The following SMC4 variants were observed in gnomAD, a reference collection of about 807,000 sequenced individuals.
SMC4 encodes structural maintenance of chromosomes protein 4.
A neutral mutation model predicts 145.6 loss-of-function variants in SMC4; 87 were observed. The ratio of observed to expected loss-of-function variants is 0.60; its 90% CI spans 0.50 to 0.71. The LOEUF (loss-of-function observed/expected upper bound fraction) is 0.71. Among genes scored for constraint, SMC4 ranks in the 30% least tolerant of loss-of-function variants. The pLI is 0.00. For synonymous variants in SMC4, 558 were observed against 500.7 expected (o/e 1.11, Z -1.53); for missense variants, 1,447 against 1,537.1 (o/e 0.94, Z 0.98).
intron 5 of SMC4, among the ~76,000 whole-genome samples, chr3:160,411,567 A>G (rs1715993169): frequency 1.3e-5 from 2 of 152,172 alleles, no homozygotes; most frequent in African/African-American, 4.8e-5. Flanking sequence ...TTGCAGATTA[A>G]GTGAAAGCTT....
At position 160,433,994 on chromosome 3, in the gene SMC4, A is replaced by C; in HGVS notation, c.*185A>C. On this transcript the variant is annotated 3_prime_UTR_variant, in exon 24 of 24. Coordinates refer to ENST00000357388, the MANE Select transcript of SMC4 (RefSeq NM_001002800.3). ...CTCTATAATTGCTTCTAGATTACAA[A>C]AATATGACAATCTTGTAAGTAGCAG... 1 of 447,152 alleles carries C rather than the reference A, an allele frequency of 2.2e-6. No individual in the cohort carries two copies. The highest frequency in any genetic ancestry group is 3.9e-6 in the Non-Finnish European group (1 of 254,390). 27.7% of individuals were successfully genotyped at this position (447,152 alleles called of 1,614,324 possible).
In SMC4 at chr3:160,404,428, A is replaced by G; in HGVS notation, c.611A>G (p.Lys204Arg). The G allele has an allele frequency of 3.7e-6, 6 of 1,612,314 alleles. No individual in the cohort carries two copies. Among genetic ancestry groups the G allele is most frequent in the Non-Finnish European group, 4.2e-6 (5 of 1,179,352 alleles). Reference protein sequence around the residue: ...TSVYHISGKKKTFKDVGNLLR... With the variant: ...TSVYHISGKKRTFKDVGNLLR... The stretch of plus-strand genomic sequence containing the variant: ...GTCTATCACATAAGTGGAAAGAAAA[A>G]GACATTTAAGGATGTTGGAAATCTT... The change falls in exon 5 of 24, where the codon AAG (lysine) becomes AGG (arginine). Residue 204 changes from lysine to arginine, a missense_variant. Transcript: ENST00000357388.
chr3:160,433,626 T>C lies in SMC4; in HGVS notation c.3715-31T>C, dbSNP rs556405543. ...TTTGTGTGATTTACCTGTTATTACT[T>C]AATGTTTGACTTTTCTTTGTTTCTC... On this transcript the variant is annotated intron_variant, in intron 23 of 23. Coordinates refer to ENST00000357388, the MANE Select transcript of SMC4 (RefSeq NM_001002800.3). The C allele has an allele frequency of 3.7e-5, 51 of 1,392,372 alleles. No individual in the cohort carries two copies. The East Asian group carries it at 1.2e-3, about 32-fold the overall frequency. 86.3% of individuals were successfully genotyped at this position (1,392,372 alleles called of 1,614,324 possible). A position where few individuals can be genotyped will look rare whatever the true frequency, so the allele number is the denominator to read the frequency against.
At chr3:160,433,000 G>A in intron 22 of SMC4, 26 bp from the exon 23 acceptor site, 1 of 1,540,406 alleles carries the variant, frequency 6.5e-7, no homozygotes, top group Non-Finnish European at 9.0e-7. Flanking sequence ...CAGGTAATTT[G>A]ACTATGATTT....
intron 5 of SMC4, among the ~76,000 whole-genome samples, chr3:160,406,380 G>C (rs770058466): frequency 6.6e-6 from 1 of 152,060 alleles, no homozygotes; most frequent in Non-Finnish European, 1.5e-5. Flanking sequence ...TTGAGGGAAA[G>C]TGACAATGGT....
intron 21 of SMC4, among the ~76,000 whole-genome samples, 173 bp from the exon 22 acceptor site, chr3:160,432,110 G>A (rs1718472847): frequency 1.3e-5 from 2 of 152,262 alleles, no homozygotes; most frequent in Admixed American, 1.3e-4. Context: ...GCTGAGGCAG[G>A]AGAATCGCTT....
chr3:160,432,315 G>T lies in SMC4; in HGVS notation c.3330G>T (p.Leu1110Phe). 6.2e-7 allele frequency: 1 copy of T among 1,611,142 alleles called. No homozygotes were observed. The highest frequency in any genetic ancestry group is 1.1e-5 in the South Asian group (1 of 90,184). The change falls in exon 22 of 24, where the codon TTG becomes TTT. Residue 1110 changes from leucine (L) to phenylalanine (F), a missense_variant. Transcript: ENST00000357388. Reference sequence around the variant, plus strand: ...TGTATTTGCAACGGGTAGCAGAATTGGACAAAATTACTTATGAAAGAGACA... The same window carrying T: ...TGTATTTGCAACGGGTAGCAGAATTTGACAAAATTACTTATGAAAGAGACA... ...EELYLQRVAE[L>F]DKITYERDSF...
chr3:160,417,645 A>G, intron 10 of SMC4, 78 bp from the exon 11 acceptor site: 1 of 1,111,920 alleles, frequency 9.0e-7, no homozygotes, highest in Non-Finnish European at 1.3e-6. Context: ...TAAATCGAAT[A>G]TAAAATGTAT....
chr3:160,410,770 C>T (rs185399722), intron 5 of SMC4, among the ~76,000 whole-genome samples: 116 of 152,232 alleles, frequency 7.6e-4, no homozygotes, highest in Admixed American at 7.2e-3. Flanking sequence ...AATTATGATG[C>T]TCTCATTAGT....
intron 10 of SMC4, 80 bp downstream of exon 10, chr3:160,416,495 G>A: frequency 1.1e-6 from 1 of 912,592 alleles, no homozygotes; most frequent in Non-Finnish European, 1.6e-6. Flanking sequence ...CAAAAATACT[G>A]AAACCTGAAC....
Position 160,432,367 on chromosome 3 carries a change from C to A in SMC4, c.3382C>A (p.Arg1128=). ...TTTTAGACAGGCATATGAAGATCTTCGGAAACAAAGGCTTAATGAATTTAT... is the reference window on the plus strand; with the variant it reads ...TTTTAGACAGGCATATGAAGATCTTAGGAAACAAAGGCTTAATGAATTTAT... The part of the protein sequence containing the change: ...DSFRQAYEDL[R]KQRLNEFMAG... The change falls in exon 22 of 24, where the codon CGG becomes AGG. Residue 1128 remains arginine (R), a synonymous_variant. Coordinates refer to ENST00000357388, the MANE Select transcript of SMC4 (RefSeq NM_001002800.3). 4 of 1,613,754 alleles carry A rather than the reference C, an allele frequency of 2.5e-6. No homozygotes were observed. Among genetic ancestry groups the A allele is most frequent in the Non-Finnish European group, 3.4e-6 (4 of 1,179,850 alleles).
chr3:160,431,927 C>T lies in SMC4; in HGVS notation c.3297+102C>T, dbSNP rs997377156. The stretch of plus-strand genomic sequence containing the variant: ...ATAATTAACAATGCTGTTGGCCGGG[C>T]GTGGTGGCTCACGCCTGTAATCCCA... On this transcript the variant is annotated intron_variant, in intron 21 of 23. Coordinates refer to ENST00000357388, the MANE Select transcript of SMC4 (RefSeq NM_001002800.3). 4 of 1,245,180 alleles carry T rather than the reference C, an allele frequency of 3.2e-6. No individual in the cohort carries two copies. In the African/African-American group the frequency reaches 6.2e-5, roughly 19 times the overall value. The allele number at this position is 1,245,180 out of a possible 1,614,324, so 77.1% of individuals were successfully genotyped here.
intron 15 of SMC4, among the ~76,000 whole-genome samples, chr3:160,424,051 A>G (rs59700052): frequency 0.035 from 5,346 of 152,292 alleles, 326 homozygotes; most frequent in African/African-American, 0.12. Context: ...TGCTCAAAGT[A>G]CACTTTTTAA....
rs1371977319 is a variant in SMC4 at position 160,400,808 on chromosome 3, TC to T, written c.-5-9del. ...CCGCGGGCTGACTTGCTCCCGGCTG[TC>T]CCCCGGCCCCAGCGACCATGCCCCG... is the stretch of plus-strand genomic sequence containing the variant. On this transcript the variant is annotated splice_polypyrimidine_tract_variant and intron_variant, in intron 1 of 23. Coordinates refer to ENST00000357388, the MANE Select transcript of SMC4 (RefSeq NM_001002800.3). 3.3e-6 allele frequency: 5 copies of T among 1,509,114 alleles called. No individual in the cohort carries two copies. In the Admixed American group the frequency reaches 8.3e-5, roughly 25 times the overall value. 93.5% of individuals were successfully genotyped at this position (1,509,114 alleles called of 1,614,324 possible). A position where few individuals can be genotyped will look rare whatever the true frequency, so the allele number is the denominator to read the frequency against.
chr3:160,426,627 A>G (rs953770318), intron 17 of SMC4, among the ~76,000 whole-genome samples: 4 of 151,994 alleles, frequency 2.6e-5, no homozygotes, highest in African/African-American at 9.7e-5. Context: ...TTTTTCTTTC[A>G]TAACTTCTTC....
intron 8 of SMC4, 29 bp from the exon 9 acceptor site, chr3:160,414,338 A>G: frequency 6.4e-7 from 1 of 1,552,130 alleles, no homozygotes. Context: ...CATTCAAAAT[A>G]ATGACTTACA....
In SMC4 at chr3:160,432,504, A is replaced by G. The variant is rs1310568800; in HGVS notation, c.3519A>G (p.Gly1173=). Residue 1173 remains glycine, a synonymous_variant, in exon 22 of 24, where the codon GGA becomes GGG. Coordinates refer to ENST00000357388, the MANE Select transcript of SMC4 (RefSeq NM_001002800.3). ...ACAGCTTGGATCCTTTCTCTGAAGG[A>G]ATCATGTTCAGGTGTGTAATTATGC... ...LVDSLDPFSE[G]IMFSVRPPKK... The G allele has an allele frequency of 1.9e-6, 3 of 1,595,218 alleles. No homozygotes were observed. The highest frequency in any genetic ancestry group is 2.3e-5 in the South Asian group (2 of 88,714).
At chr3:160,417,385 A>G (rs1231246656) in intron 10 of SMC4, among the ~76,000 whole-genome samples, 1 of 152,188 alleles carries the variant, frequency 6.6e-6, no homozygotes, top group East Asian at 1.9e-4. Flanking sequence ...CTTCATAGTT[A>G]GTGGATTTTC....
chr3:160,415,218 A>G (rs1716455436), intron 9 of SMC4, among the ~76,000 whole-genome samples: 1 of 152,228 alleles, frequency 6.6e-6, no homozygotes, highest in South Asian at 2.1e-4. Context: ...CAGAAAATCC[A>G]AAATTAGCCA....
Sources: allele counts gnomAD v4.1 joint callset (sites outside exome capture counted in the v4.1 genomes callset), GRCh38; gene constraint gnomAD v4.1.1; transcripts MANE v1.5; gene names NCBI Gene and HGNC (gene_info 2026-07-23, HGNC 2026-07-21).